Variants in UNC5D observed in about 807,000 individuals in gnomAD.
The protein encoded by UNC5D is netrin receptor UNC5D.
In UNC5D, 39 loss-of-function variants were observed where a neutral mutation model predicts 105.4. The ratio of observed to expected loss-of-function variants is 0.37; its 90% CI spans 0.29 to 0.48. The LOEUF (loss-of-function observed/expected upper bound fraction) is 0.48, where lower values mean the gene tolerates loss of function less well. Ranked by LOEUF, UNC5D falls within the 20% of genes least tolerant of loss-of-function variation. The probability of loss-of-function intolerance (pLI) is 0.98; values close to 1 mark genes in which losing one functional copy is unlikely to be tolerated. For synonymous variants in UNC5D, 452 were observed against 450.4 expected, an observed-to-expected ratio of 1.00 and a Z score of -0.04; for missense variants, 991 against 1,202.4, an observed-to-expected ratio of 0.82 and a Z score of 2.60.
intron 16 of UNC5D, among the ~76,000 whole-genome samples, chr8:35,783,362 T>G (rs1443701667): frequency 6.6e-6 from 1 of 152,168 alleles, no homozygotes; most frequent in African/African-American, 2.4e-5. Context: ...TCCCCTAGTA[T>G]ATTTTTATAT....
intron 1 of UNC5D, among the ~76,000 whole-genome samples, chr8:35,424,039 A>G (rs538640351): frequency 1.3e-5 from 2 of 152,144 alleles, no homozygotes; most frequent in Non-Finnish European, 2.9e-5. Context: ...GCTTCAAGCC[A>G]TCCTCCCACC....
intron 1 of UNC5D, among the ~76,000 whole-genome samples, chr8:35,499,419 C>A (rs374471733): frequency 1.3e-5 from 2 of 152,112 alleles, no homozygotes; most frequent in Admixed American, 6.5e-5. Context: ...CTTAACTGAC[C>A]GAATGACAGA....
At chr8:35,253,514 T>G (rs1440533737) in intron 1 of UNC5D, among the ~76,000 whole-genome samples, 1 of 141,490 alleles carries the variant, frequency 7.1e-6, no homozygotes, top group African/African-American at 2.6e-5. Context: ...TGAGACAGAG[T>G]CTTGCTCTGT....
chr8:35,297,674 G>A (rs1034747617), intron 1 of UNC5D, among the ~76,000 whole-genome samples: 6 of 152,220 alleles, frequency 3.9e-5, no homozygotes, highest in African/African-American at 1.4e-4. Context: ...GTTGGTGAGG[G>A]TGTGTAGATA....
At chr8:35,528,168 G>C (rs1814034320) in intron 1 of UNC5D, among the ~76,000 whole-genome samples, 1 of 149,982 alleles carries the variant, frequency 6.7e-6, no homozygotes. Context: ...CTAGCATTAG[G>C]TATATCTCCC....
intron 1 of UNC5D, among the ~76,000 whole-genome samples, chr8:35,372,872 G>A (rs1484285186): frequency 6.6e-6 from 1 of 152,178 alleles, no homozygotes; most frequent in Non-Finnish European, 1.5e-5. Context: ...AAAGTACTGG[G>A]ATTACAAATG....
chr8:35,319,079 A>G (rs534914854), intron 1 of UNC5D, among the ~76,000 whole-genome samples: 6 of 152,146 alleles, frequency 3.9e-5, no homozygotes, highest in African/African-American at 1.4e-4. Flanking sequence ...ATTCATACCC[A>G]TATGTTGTCT....
chr8:35,697,664 AG>A (rs1458370679), intron 7 of UNC5D, among the ~76,000 whole-genome samples: 2 of 152,156 alleles, frequency 1.3e-5, no homozygotes. Flanking sequence ...TATAAGGCTT[AG>A]CAGCACTGAT....
At chr8:35,303,455 A>C (rs1167503151) in intron 1 of UNC5D, among the ~76,000 whole-genome samples, 1 of 152,190 alleles carries the variant, frequency 6.6e-6, no homozygotes, top group Non-Finnish European at 1.5e-5. Context: ...ATACATGGCT[A>C]AACAGTGTAG....
chr8:35,370,439 G>A (rs1043919170), intron 1 of UNC5D, among the ~76,000 whole-genome samples: 7 of 152,040 alleles, frequency 4.6e-5, no homozygotes, highest in Non-Finnish European at 7.4e-5. Context: ...AATGTATAAA[G>A]CCTTGTCAAT....
intron 1 of UNC5D, among the ~76,000 whole-genome samples, chr8:35,539,348 A>G (rs1024497641): frequency 2.0e-5 from 3 of 152,124 alleles, no homozygotes; most frequent in African/African-American, 7.2e-5. Flanking sequence ...TGTTAACTAT[A>G]TTTTCCCTTT....
At chr8:35,539,118 A>G (rs1563514844) in intron 1 of UNC5D, among the ~76,000 whole-genome samples, 1 of 152,172 alleles carries the variant, frequency 6.6e-6, no homozygotes, top group Non-Finnish European at 1.5e-5. Context: ...CCATGAAAAA[A>G]TGAGATAATA....
At chr8:35,487,593 A>ACACACACACACACACACACACACACCC (rs1415748793) in intron 1 of UNC5D, among the ~76,000 whole-genome samples, 1 of 150,470 alleles carries the variant, frequency 6.6e-6, no homozygotes, top group African/African-American at 2.5e-5. Context: ...ACACACACAC[A>ACACACACACACACACACACACACACCC]CCCCACAGAC....
chr8:35,334,525 T>A (rs1212478772), intron 1 of UNC5D, among the ~76,000 whole-genome samples: 1 of 151,958 alleles, frequency 6.6e-6, no homozygotes, highest in East Asian at 1.9e-4. Context: ...TTTATTTTTT[T>A]TTTTGAGATG....
At chr8:35,450,899 C>A (rs1017787976) in intron 1 of UNC5D, among the ~76,000 whole-genome samples, 1 of 152,098 alleles carries the variant, frequency 6.6e-6, no homozygotes, top group Non-Finnish European at 1.5e-5. Flanking sequence ...AGTAAGTGCT[C>A]TGAGCACCTT....
rs373759766 is a variant in UNC5D at position 35,442,904 on chromosome 8, TCACACACACACA to T, written c.104-106367_104-106356del. Among the ~76,000 whole-genome samples the T allele has an allele frequency of 5.7e-5, 8 of 141,354 alleles. 1 individual carries two copies. In the South Asian group the frequency reaches 8.9e-4, roughly 16 times the overall value. 92.7% of individuals were successfully genotyped at this position (141,354 alleles called of 152,430 possible). On this transcript the variant is annotated intron_variant, in intron 1 of 16. Coordinates refer to ENST00000404895, the MANE Select transcript of UNC5D (RefSeq NM_080872.4). The stretch of plus-strand genomic sequence containing the variant: ...CTCTGTTTCTCTCTCTCTCTCTCTC[TCACACACACACA>T]CACACACACACACACACACAACACA...
At chr8:35,748,491 A>G in intron 11 of UNC5D, 36 bp from the exon 12 acceptor site, 1 of 1,598,620 alleles carries the variant, frequency 6.3e-7, no homozygotes, top group African/African-American at 1.3e-5. Context: ...CCTCCTCTAC[A>G]TACTTCTCTC....
intron 1 of UNC5D, chr8:35,525,180 G>C: frequency 6.2e-7 from 1 of 1,610,376 alleles, no homozygotes; most frequent in Non-Finnish European, 8.5e-7. Flanking sequence ...ACGGACTCAG[G>C]ATGACAGGGC....
At chr8:35,487,927 AC>A (rs1810940291) in intron 1 of UNC5D, among the ~76,000 whole-genome samples, 1 of 152,212 alleles carries the variant, frequency 6.6e-6, no homozygotes, top group African/African-American at 2.4e-5. Flanking sequence ...TGTGGAAGGT[AC>A]AATTTATGAG....
Sources: allele counts gnomAD v4.1 joint callset (sites outside exome capture counted in the v4.1 genomes callset), GRCh38; gene constraint gnomAD v4.1.1; transcripts MANE v1.5; gene names NCBI Gene and HGNC (gene_info 2026-07-23, HGNC 2026-07-21).